Variants in AP1M1 observed in about 807,000 individuals in gnomAD.
AP1M1 encodes adaptor related protein complex 1 subunit mu 1.
A neutral mutation model predicts 57.1 loss-of-function variants in AP1M1; 18 were observed. That is an observed-to-expected ratio of 0.32 (90% CI 0.22 to 0.47). The LOEUF (loss-of-function observed/expected upper bound fraction) is 0.47, where lower values mean the gene tolerates loss of function less well. Among genes scored for constraint, AP1M1 ranks in the 20% least tolerant of loss-of-function variants. The pLI is 1.00. For missense variants in AP1M1, 362 were observed against 593.5 expected, an observed-to-expected ratio of 0.61 and a Z score of 4.05; for synonymous variants, 241 against 237.9, an observed-to-expected ratio of 1.01 and a Z score of -0.12.
At chr19:16,200,386 A>G (rs2091442053) in intron 1 of AP1M1, among the ~76,000 whole-genome samples, 2 of 152,190 alleles carry the variant, frequency 1.3e-5, no homozygotes, top group Non-Finnish European at 2.9e-5. Flanking sequence ...GTCCTGGCTA[A>G]TGCTGAGATG....
Position 16,228,665 on chromosome 19 carries a change from G to T in AP1M1, c.889-105G>T. ...CTGGAGAAGTGGGGCCAGGGGCGGGGCTAGGGAGGATCCCCCGGGCCAGGC... is the reference window on the plus strand; with the variant it reads ...CTGGAGAAGTGGGGCCAGGGGCGGGTCTAGGGAGGATCCCCCGGGCCAGGC... On this transcript the variant is annotated intron_variant, in intron 8 of 11. Transcript: ENST00000291439. The surrounding 1 kb of genome is among the most constrained non-coding windows in gnomAD (Gnocchi z 5.0). 7.5e-7 allele frequency: 1 copy of T among 1,338,348 alleles called. No homozygotes were observed. The highest frequency in any genetic ancestry group is 1.9e-5 in the Admixed American group (1 of 53,550). 82.9% of individuals were successfully genotyped at this position (1,338,348 alleles called of 1,614,324 possible). A position where few individuals can be genotyped will look rare whatever the true frequency, so the allele number is the denominator to read the frequency against.
At chr19:16,230,242 T>G (rs1274004653) in intron 9 of AP1M1, among the ~76,000 whole-genome samples, 1 of 152,210 alleles carries the variant, frequency 6.6e-6, no homozygotes, top group Non-Finnish European at 1.5e-5. Context: ...AAATGGAAGG[T>G]TTGTGGCAAC....
intron 5 of AP1M1, among the ~76,000 whole-genome samples, chr19:16,223,677 C>G (rs1942695518): frequency 6.6e-6 from 1 of 152,204 alleles, no homozygotes; most frequent in Admixed American, 6.5e-5. Flanking sequence ...CTCGTGTGCT[C>G]TGTGGTGCAC....
chr19:16,203,749 C>T lies in AP1M1; in HGVS notation c.199+134C>T. 1 of 918,860 alleles carries T rather than the reference C, an allele frequency of 1.1e-6. No individual in the cohort carries two copies. Among genetic ancestry groups the T allele is most frequent in the Non-Finnish European group, 1.6e-6 (1 of 612,732 alleles). The allele number at this position is 918,860 out of a possible 1,614,324, so 56.9% of individuals were successfully genotyped here. ...GACACAGCCATGCCCTCCTGGAGCT[C>T]CCTGCTGCCTGCGGAGACAGGCAGA... On this transcript the variant is annotated intron_variant, in intron 2 of 11. Coordinates refer to ENST00000291439, the MANE Select transcript of AP1M1 (RefSeq NM_032493.4). This position sits in a 1 kb window ranked among gnomAD's most constrained non-coding sequence, Gnocchi z 4.6.
chr19:16,223,915 G>A (rs749088413), intron 5 of AP1M1, among the ~76,000 whole-genome samples: 8 of 152,336 alleles, frequency 5.3e-5, no homozygotes, highest in Non-Finnish European at 1.0e-4. Flanking sequence ...TCATCCCTGC[G>A]GTGTGGGTGG....
rs1008866088 is a variant in AP1M1 at position 16,228,398 on chromosome 19, A to G, written c.888+190A>G. Reference sequence around the variant, plus strand: ...CTCCTAGATGGTGCCACTTGTGGGGAGGGGCCTGTAGCCAGGCATCCAGGA... The same window carrying G: ...CTCCTAGATGGTGCCACTTGTGGGGGGGGGCCTGTAGCCAGGCATCCAGGA... On this transcript the variant is annotated intron_variant, in intron 8 of 11. Transcript: ENST00000291439. The surrounding 1 kb of genome is among the most constrained non-coding windows in gnomAD (Gnocchi z 5.0). 6.6e-6 allele frequency among the ~76,000 whole-genome samples: 1 copy of G among 152,024 alleles called. No homozygotes were observed. The highest frequency in any genetic ancestry group is 6.6e-5 in the Admixed American group (1 of 15,260).
rs1192192258 is a variant in AP1M1 at position 16,227,122 on chromosome 19, C to G, written c.674-426C>G. On this transcript the variant is annotated intron_variant, in intron 6 of 11. Coordinates refer to ENST00000291439, the MANE Select transcript of AP1M1 (RefSeq NM_032493.4). This position sits in a 1 kb window ranked among gnomAD's most constrained non-coding sequence, Gnocchi z 6.2. ...TCAGTCTATCAGGGCAGCTCCCCGC[C>G]TGGGGCTGGGCAGGGCCCCACCCAC... Among the ~76,000 whole-genome samples, 1 of 152,192 alleles carries G rather than the reference C, an allele frequency of 6.6e-6. No homozygotes were observed. Among genetic ancestry groups the G allele is most frequent in the Non-Finnish European group, 1.5e-5 (1 of 68,006 alleles).
intron 9 of AP1M1, among the ~76,000 whole-genome samples, chr19:16,230,866 A>G (rs1335215814): frequency 6.6e-6 from 1 of 152,180 alleles, no homozygotes; most frequent in East Asian, 1.9e-4. Context: ...CAATGGAAAA[A>G]AGGTAATTCC....
At position 16,203,471 on chromosome 19, in the gene AP1M1, CG is replaced by C; in HGVS notation, c.57del (p.Asn20ThrfsTer18). On this transcript the variant is annotated frameshift_variant, in exon 2 of 12. Transcript: ENST00000291439. LOFTEE classifies it high-confidence loss of function. The surrounding 1 kb of genome is among the most constrained non-coding windows in gnomAD (Gnocchi z 4.6). ...TTCCCCACCCCAGGTGCTCATCTGC[CG>C]GAACTACCGTGGCGACGTGGACATG... Reference protein sequence around the residue: ...LDLKGKVLICRNYRGDVDMSE... With the variant: ...LDLKGKVLICXNYRGDVDMSE... 1 of 1,614,188 alleles carries C rather than the reference CG, an allele frequency of 6.2e-7. No individual in the cohort carries two copies.
At position 16,228,954 on chromosome 19, in the gene AP1M1, G is replaced by A. The variant is rs758703003; in HGVS notation, c.1047+26G>A. The A allele has an allele frequency of 1.8e-5, 29 of 1,608,642 alleles. No individual in the cohort carries two copies. The highest frequency in any genetic ancestry group is 3.3e-4 in the Middle Eastern group (2 of 6,070). ...GTGAGCACTCTGTCCAGACATCCACGTGCCCCCTGCGCCTGTCTCTGCAAG... is the reference window on the plus strand; with the variant it reads ...GTGAGCACTCTGTCCAGACATCCACATGCCCCCTGCGCCTGTCTCTGCAAG... On this transcript the variant is annotated intron_variant, in intron 9 of 11. Transcript: ENST00000291439. This position sits in a 1 kb window ranked among gnomAD's most constrained non-coding sequence, Gnocchi z 5.0.
chr19:16,214,049 T>G (rs865943648), intron 5 of AP1M1, among the ~76,000 whole-genome samples: 10 of 87,382 alleles, frequency 1.1e-4, no homozygotes, highest in Middle Eastern at 0.011. Context: ...TTCTTTCCTT[T>G]TTCTTTTTTT....
chr19:16,210,619 G>A (rs1407777462), intron 5 of AP1M1, among the ~76,000 whole-genome samples: 1 of 152,166 alleles, frequency 6.6e-6, no homozygotes, highest in East Asian at 1.9e-4. Flanking sequence ...GAGTGCAATG[G>A]CACTATCTCC....
intron 2 of AP1M1, among the ~76,000 whole-genome samples, chr19:16,205,333 G>A (rs2091464980): frequency 6.6e-6 from 1 of 152,306 alleles, no homozygotes; most frequent in Admixed American, 6.5e-5. Context: ...TTCACCCCCA[G>A]CCGGGACAGT....
intron 1 of AP1M1, among the ~76,000 whole-genome samples, chr19:16,198,557 T>C (rs1178177206): frequency 6.6e-6 from 1 of 152,126 alleles, no homozygotes; most frequent in African/African-American, 2.4e-5. Flanking sequence ...TCCACGTTCA[T>C]TGTGATAGTG....
At chr19:16,216,447 A>C (rs2091519631) in intron 5 of AP1M1, among the ~76,000 whole-genome samples, 1 of 151,492 alleles carries the variant, frequency 6.6e-6, no homozygotes, top group African/African-American at 2.4e-5. Context: ...TCCGTCTCAA[A>C]AAAAAAAAAA....
intron 5 of AP1M1, chr19:16,210,251 C>G: frequency 1.6e-6 from 1 of 638,954 alleles, no homozygotes; most frequent in South Asian, 1.8e-5. Context: ...TGTTCTGAAC[C>G]ACAGAAGGAC....
Position 16,228,485 on chromosome 19 carries a change from C to T in AP1M1, c.888+277C>T, listed in dbSNP as rs1332602729. Among the ~76,000 whole-genome samples the T allele has an allele frequency of 6.6e-6, 1 of 152,184 alleles. No individual in the cohort carries two copies. The highest frequency in any genetic ancestry group is 1.5e-5 in the Non-Finnish European group (1 of 68,020). On this transcript the variant is annotated intron_variant, in intron 8 of 11. Transcript: ENST00000291439. This position sits in a 1 kb window ranked among gnomAD's most constrained non-coding sequence, Gnocchi z 5.0. ...TGCCCCTCAGCGACCCTGTCCAGCG[C>T]AGCCTGGCCCTGGGACATAGACATT...
At position 16,240,888 on chromosome 19, in the gene AP1M1, G is replaced by C. The variant is rs1368665735; in HGVS notation, c.*6453G>C. On this transcript the variant is annotated 3_prime_UTR_variant, in exon 12 of 12. Coordinates refer to ENST00000291439, the MANE Select transcript of AP1M1 (RefSeq NM_032493.4). ...GGGAAGATCCTAACAGCAACACTAA[G>C]AGATTAAAATGTCTCTCCAAAGAGC... 1 of 152,212 alleles carries C rather than the reference G, an allele frequency of 6.6e-6. No individual in the cohort carries two copies. The highest frequency in any genetic ancestry group is 6.6e-5 in the Admixed American group (1 of 15,266). 9.4% of individuals were successfully genotyped at this position (152,212 alleles called of 1,614,324 possible).
rs1266883941 is a variant in AP1M1 at position 16,238,568 on chromosome 19, C to CT, written c.*4134dup. On this transcript the variant is annotated 3_prime_UTR_variant, in exon 12 of 12. Coordinates refer to ENST00000291439, the MANE Select transcript of AP1M1 (RefSeq NM_032493.4). Reference sequence around the variant, plus strand: ...GGATCTATATATATCCAGCAAAAGTCTAACGAGATGCTTGAGAATTTGAAA... The same window carrying CT: ...GGATCTATATATATCCAGCAAAAGTCTTAACGAGATGCTTGAGAATTTGAAA... 6.6e-6 allele frequency: 1 copy of CT among 152,062 alleles called. No individual in the cohort carries two copies. Among genetic ancestry groups the CT allele is most frequent in the African/African-American group, 2.4e-5 (1 of 41,376 alleles). 9.4% of individuals were successfully genotyped at this position (152,062 alleles called of 1,614,324 possible).
Sources: allele counts gnomAD v4.1 joint callset (sites outside exome capture counted in the v4.1 genomes callset), GRCh38; gene constraint gnomAD v4.1.1; non-coding constraint Gnocchi (gnomAD v3.1); transcripts MANE v1.5; gene names NCBI Gene and HGNC (gene_info 2026-07-23, HGNC 2026-07-21).